Variants in LAMC1 observed in about 807,000 individuals in gnomAD.
The protein encoded by LAMC1 is laminin subunit gamma 1.
LAMC1 carries 38 observed loss-of-function variants against 173.6 expected under a neutral mutation model. The observed-to-expected ratio is 0.22, with a 90% CI of 0.17 to 0.29. LAMC1 has a LOEUF of 0.29. LAMC1 is among the 10% of genes least tolerant of loss of function. The pLI is 1.00. For synonymous variants in LAMC1, 746 were observed against 749.1 expected (o/e 1.00, Z 0.07); for missense variants, 1,824 against 2,051.8 (o/e 0.89, Z 2.14).
At chr1:183,043,507 TTATC>T (rs955178417) in intron 1 of LAMC1, among the ~76,000 whole-genome samples, 5 of 152,302 alleles carry the variant, frequency 3.3e-5, no homozygotes, top group African/African-American at 9.6e-5. Flanking sequence ...GGTAAATTGG[TTATC>T]TAAATAAGCA....
Position 183,126,195 on chromosome 1 carries a change from C to G in LAMC1, c.2877C>G (p.Gly959=). The G allele has an allele frequency of 6.2e-7, 1 of 1,614,184 alleles. No individual in the cohort carries two copies. The highest frequency in any genetic ancestry group is 1.1e-5 in the South Asian group (1 of 91,078). Residue 959 remains glycine, a synonymous_variant, in exon 16 of 28, where the codon GGC becomes GGG. Coordinates refer to ENST00000258341, the MANE Select transcript of LAMC1 (RefSeq NM_002293.4). Reference sequence around the variant, plus strand: ...CCGGCCAGTGTGAGTGCCAGCCCGGCATCACTGGTCAGCACTGTGAGCGCT... The same window carrying G: ...CCGGCCAGTGTGAGTGCCAGCCCGGGATCACTGGTCAGCACTGTGAGCGCT... ...IRTGQCECQP[G]ITGQHCERCE...
At chr1:183,103,149 G>A (rs1173192090) in intron 1 of LAMC1, among the ~76,000 whole-genome samples, 179 bp from the exon 2 acceptor site, 1 of 152,128 alleles carries the variant, frequency 6.6e-6, no homozygotes, top group African/African-American at 2.4e-5. Flanking sequence ...GGACCCAACT[G>A]CAGTTTGTCA....
At chr1:183,091,457 G>A (rs954749908) in intron 1 of LAMC1, among the ~76,000 whole-genome samples, 5 of 152,122 alleles carry the variant, frequency 3.3e-5, no homozygotes, top group East Asian at 1.9e-4. Flanking sequence ...TGGATTCTAA[G>A]CTACTTAAAG....
rs552565634 is a variant in LAMC1, at chr1:183,069,967, G to A, written c.419-33361G>A. Among the ~76,000 whole-genome samples the A allele has an allele frequency of 1.6e-4, 25 of 152,266 alleles. No individual in the cohort carries two copies. In the East Asian group the frequency reaches 4.4e-3, roughly 27 times the overall value. ...ACCAAGCCTGAAAAAAGAATGGCCC[G>A]GTTGAATAATTTTAAGTAGTTTGAG... On this transcript the variant is annotated intron_variant, in intron 1 of 27. Transcript: ENST00000258341.
At chr1:183,074,804 A>T (rs1354130767) in intron 1 of LAMC1, among the ~76,000 whole-genome samples, 1 of 152,078 alleles carries the variant, frequency 6.6e-6, no homozygotes, top group Admixed American at 6.5e-5. Flanking sequence ...GAAATTTTTT[A>T]TTTAGTGCTG....
chr1:183,139,936 AC>A (rs1657058550), intron 26 of LAMC1, among the ~76,000 whole-genome samples: 1 of 152,170 alleles, frequency 6.6e-6, no homozygotes, highest in South Asian at 2.1e-4. Context: ...GAAGAGCTTT[AC>A]TTAACTATGA....
At chr1:183,048,923 G>A (rs1242950261) in intron 1 of LAMC1, among the ~76,000 whole-genome samples, 4 of 152,082 alleles carry the variant, frequency 2.6e-5, no homozygotes, top group African/African-American at 9.7e-5. Flanking sequence ...CAGATTCTTA[G>A]CCAAGTTGTT....
At chr1:183,091,243 G>A (rs1323955564) in intron 1 of LAMC1, among the ~76,000 whole-genome samples, 3 of 152,092 alleles carry the variant, frequency 2.0e-5, no homozygotes, top group Non-Finnish European at 4.4e-5. Context: ...TCTTAGATCT[G>A]GATTGGAGTG....
intron 1 of LAMC1, among the ~76,000 whole-genome samples, chr1:183,031,259 C>T (rs1231270047): frequency 1.3e-5 from 2 of 152,162 alleles, no homozygotes; most frequent in Admixed American, 6.5e-5. Flanking sequence ...TGAGCAGTAA[C>T]CACATATTCA....
chr1:183,047,874 G>A (rs956048967), intron 1 of LAMC1, among the ~76,000 whole-genome samples: 2 of 152,092 alleles, frequency 1.3e-5, no homozygotes, highest in Non-Finnish European at 1.5e-5. Flanking sequence ...CACATAAACA[G>A]TTTTTTTCAT....
intron 1 of LAMC1, among the ~76,000 whole-genome samples, chr1:183,087,205 A>G (rs1655454730): frequency 6.6e-6 from 1 of 152,166 alleles, no homozygotes; most frequent in Non-Finnish European, 1.5e-5. Flanking sequence ...ATTTCAGGGT[A>G]TGTTTGTAAA....
chr1:183,074,239 C>CA (rs974408595), intron 1 of LAMC1, among the ~76,000 whole-genome samples: 11 of 152,042 alleles, frequency 7.2e-5, no homozygotes, highest in East Asian at 3.9e-4. Flanking sequence ...TATTTTTATA[C>CA]AAAAAAACAG....
In LAMC1 at chr1:183,118,144, G is replaced by A; in HGVS notation, c.1988G>A (p.Arg663Lys). 6.6e-7 allele frequency: 1 copy of A among 1,515,048 alleles called. No homozygotes were observed. Among genetic ancestry groups the A allele is most frequent in the Non-Finnish European group, 9.2e-7 (1 of 1,091,950 alleles). The allele number at this position is 1,515,048 out of a possible 1,614,324, so 93.9% of individuals were successfully genotyped here. A position where few individuals can be genotyped will look rare whatever the true frequency, so the allele number is the denominator to read the frequency against. The change falls in exon 11 of 28, where the codon AGA becomes AAA. Residue 663 changes from arginine (R) to lysine (K), a missense_variant and splice_region_variant. By Grantham distance (26) the Arg-to-Lys change is conservative. Coordinates refer to ENST00000258341, the MANE Select transcript of LAMC1 (RefSeq NM_002293.4). ...AAGATACGTGGGACATACAGTGAGA[G>A]AAGTAAGTTATGATATAATTTAGGA... ...SIKIRGTYSE[R>K]SAGYLDDVTL...
At chr1:183,061,365 G>GTA (rs957424711) in intron 1 of LAMC1, among the ~76,000 whole-genome samples, 3 of 110,202 alleles carry the variant, frequency 2.7e-5, no homozygotes, top group African/African-American at 8.6e-5. Context: ...TTTTTGGTTG[G>GTA]TGTTTTTTTT....
rs1657190258 is a variant in LAMC1, at chr1:183,144,045, C to CGTTT, written c.*1255_*1256insGTTT. 6.6e-6 allele frequency: 1 copy of CGTTT among 152,490 alleles called. No homozygotes were observed. The highest frequency in any genetic ancestry group is 2.1e-4 in the South Asian group (1 of 4,818). The allele number at this position is 152,490 out of a possible 1,614,324, so 9.4% of individuals were successfully genotyped here. On this transcript the variant is annotated 3_prime_UTR_variant, in exon 28 of 28. Coordinates refer to ENST00000258341, the MANE Select transcript of LAMC1 (RefSeq NM_002293.4). ...CTTCCCTCTAAGTGTAGAGGGAAGA[C>CGTTT]CCTTACGTGGAGTTTCCTAGTGGGC... is the stretch of plus-strand genomic sequence containing the variant.
chr1:183,039,155 TA>T (rs1376584695), intron 1 of LAMC1, among the ~76,000 whole-genome samples: 4 of 151,490 alleles, frequency 2.6e-5, no homozygotes, highest in Non-Finnish European at 5.9e-5. Flanking sequence ...GAATTTTTTC[TA>T]AAAAAATTCT....
chr1:183,075,384 G>A (rs1322311979), intron 1 of LAMC1, among the ~76,000 whole-genome samples: 1 of 152,050 alleles, frequency 6.6e-6, no homozygotes, highest in African/African-American at 2.4e-5. Context: ...CCAAAGTGTT[G>A]GGGATACAGG....
Position 183,103,643 on chromosome 1 carries a change from A to G in LAMC1, c.723+11A>G, listed in dbSNP as rs1241586639. 6.5e-7 allele frequency: 1 copy of G among 1,527,906 alleles called. No homozygotes were observed. The highest frequency in any genetic ancestry group is 1.3e-5 in the South Asian group (1 of 76,130). The allele number at this position is 1,527,906 out of a possible 1,614,324, so 94.6% of individuals were successfully genotyped here. The stretch of plus-strand genomic sequence containing the variant: ...AGCCCTGTGCTGCAGGTAAATTCTC[A>G]CAGGTTGGCCTGAAGCCAGCTAGTT... On this transcript the variant is annotated intron_variant, in intron 2 of 27. Transcript: ENST00000258341.
At chr1:183,024,188 G>T in intron 1 of LAMC1, 54 bp downstream of exon 1, 1 of 1,481,962 alleles carries the variant, frequency 6.7e-7, no homozygotes, top group South Asian at 1.4e-5. Flanking sequence ...CCCAGCTCCC[G>T]GACCGGCTCC....
Sources: gnomAD v4.1 joint callset for allele counts (sites outside exome capture counted in the v4.1 genomes callset) on GRCh38, gnomAD v4.1.1 for gene constraint, MANE v1.5 for transcripts, NCBI Gene and HGNC (gene_info 2026-07-23, HGNC 2026-07-21) for gene names.